Variants in DNAH17 observed in about 807,000 individuals in gnomAD.
DNAH17 encodes the protein dynein axonemal heavy chain 17.
In DNAH17, 376 loss-of-function variants were observed where a neutral mutation model predicts 485.6. The observed-to-expected ratio is 0.77, with a 90% CI of 0.71 to 0.84. DNAH17 has a LOEUF of 0.84. Ranked by LOEUF, DNAH17 falls within the 40% of genes least tolerant of loss-of-function variation. The pLI, the probability that DNAH17 is intolerant of heterozygous loss-of-function variation, is 0.00. For missense variants in DNAH17, 6,370 were observed against 5,839.3 expected (o/e 1.09, Z -2.96); for synonymous variants, 3,031 against 2,405.9 (o/e 1.26, Z -7.60).
Position 78,569,532 on chromosome 17 carries a change from G to T in DNAH17, c.1045-5C>A. ...CGGGCTCAGGAAGGTTCGTGTCTGG[G>T]CAAAAGAGAAGACAGACATCTAAAG... On this transcript the variant is annotated splice_region_variant and splice_polypyrimidine_tract_variant and intron_variant, in intron 7 of 80. Coordinates refer to ENST00000389840, the MANE Select transcript of DNAH17 (RefSeq NM_173628.4). 6.2e-7 allele frequency: 1 copy of T among 1,600,284 alleles called. No individual in the cohort carries two copies.
chr17:78,567,270 A>G, intron 9 of DNAH17, 104 bp from the exon 10 acceptor site: 1 of 1,275,938 alleles, frequency 7.8e-7, no homozygotes. Context: ...GGGGAGCAAA[A>G]TGTCCCCAGG....
intron 16 of DNAH17, among the ~76,000 whole-genome samples, chr17:78,545,585 C>A (rs2091738622): frequency 6.6e-6 from 1 of 152,132 alleles, no homozygotes; most frequent in Non-Finnish European, 1.5e-5. Flanking sequence ...GCTCTATTCT[C>A]ATGTTCTGAT....
At position 78,505,401 on chromosome 17, in the gene DNAH17, C is replaced by A; in HGVS notation, c.4848G>T (p.Leu1616=). Residue 1616 remains leucine (L), a synonymous_variant, in exon 31 of 81, where the codon CTG becomes CTT. Transcript: ENST00000389840. The stretch of plus-strand genomic sequence containing the variant: ...TGTCACTGGCATCGAGCCGGAACTT[C>A]AGTTTACACAGGCTATCGAAGAGTT... ...LSKLFDSLCK[L]KFRLDASDKP... is the part of the protein sequence containing the mutation. The A allele has an allele frequency of 6.2e-7, 1 of 1,614,006 alleles. No homozygotes were observed. The highest frequency in any genetic ancestry group is 8.5e-7 in the Non-Finnish European group (1 of 1,179,894).
In DNAH17 at chr17:78,459,933, G is replaced by T; in HGVS notation, c.9504C>A (p.Val3168=). Residue 3168 remains valine (V), a synonymous_variant, in exon 60 of 81, where the codon GTC becomes GTA. Transcript: ENST00000389840. ...TGCCCCCAGGTGCGGTCAGAATCATGACGGCGGCGGTGACGTTGACCACAG... is the reference window on the plus strand; with the variant it reads ...TGCCCCCAGGTGCGGTCAGAATCATTACGGCGGCGGTGACGTTGACCACAG... ...PDAVVNVTAA[V]MILTAPGGKI... 1 of 1,613,880 alleles carries T rather than the reference G, an allele frequency of 6.2e-7. No homozygotes were observed. Among genetic ancestry groups the T allele is most frequent in the Non-Finnish European group, 8.5e-7 (1 of 1,179,882 alleles).
intron 31 of DNAH17, among the ~76,000 whole-genome samples, chr17:78,504,893 GCTTTTTT>G (rs1312995334): frequency 7.8e-6 from 1 of 128,262 alleles, no homozygotes; most frequent in Non-Finnish European, 1.6e-5. Flanking sequence ...TATTAACAGG[GCTTTTTT>G]TTTTTTTTTT....
At chr17:78,510,163 CAG>C (rs1451814176) in intron 27 of DNAH17, among the ~76,000 whole-genome samples, 1 of 152,206 alleles carries the variant, frequency 6.6e-6, no homozygotes, top group South Asian at 2.1e-4. Flanking sequence ...GCCTGGGCAA[CAG>C]AGAGAGACTC....
At chr17:78,576,364 CT>C (rs1432446864) in intron 1 of DNAH17, among the ~76,000 whole-genome samples, 2 of 152,154 alleles carry the variant, frequency 1.3e-5, no homozygotes, top group African/African-American at 2.4e-5. Flanking sequence ...CTCCAAACAT[CT>C]CTGAGAGAGG....
chr17:78,528,721 T>C (rs1042110513), intron 22 of DNAH17, among the ~76,000 whole-genome samples: 31 of 152,074 alleles, frequency 2.0e-4, no homozygotes, highest in African/African-American at 7.0e-4. Context: ...CTCTCCATCC[T>C]CCCACCCTCG....
At chr17:78,429,019 G>C in intron 76 of DNAH17, 102 bp downstream of exon 76, 3 of 1,322,062 alleles carry the variant, frequency 2.3e-6, no homozygotes, top group East Asian at 2.3e-5. Flanking sequence ...TGGCTGCCTG[G>C]GTTCTTGCTC....
rs371396502 is a variant in DNAH17, at chr17:78,434,683, G to A, written c.12034-463C>T. ...GGATAGAGGATGGGGGATGGGATGG[G>A]GTCGCTTCTCAAACCCTTTCTTTTT... On this transcript the variant is annotated intron_variant, in intron 74 of 80. Coordinates refer to ENST00000389840, the MANE Select transcript of DNAH17 (RefSeq NM_173628.4). 2.6e-5 allele frequency among the ~76,000 whole-genome samples: 4 copies of A among 152,010 alleles called. No individual in the cohort carries two copies. In the South Asian group the frequency reaches 8.3e-4, roughly 32 times the overall value.
At chr17:78,478,558 C>A (rs2089199794) in intron 51 of DNAH17, among the ~76,000 whole-genome samples, 2 of 151,164 alleles carry the variant, frequency 1.3e-5, no homozygotes, top group Admixed American at 6.6e-5. Context: ...TGACAATCAC[C>A]ATCATCATGA....
chr17:78,466,807 A>G lies in DNAH17; in HGVS notation c.8788T>C (p.Cys2930Arg). The change falls in exon 56 of 81, where the codon TGT becomes CGT. Residue 2930 changes from cysteine to arginine, a missense_variant. By Grantham distance (180) the Cys-to-Arg change is radical. Coordinates refer to ENST00000389840, the MANE Select transcript of DNAH17 (RefSeq NM_173628.4). The part of the protein sequence containing the change: ...KVRRQLKVIL[C>R]FSPVGSVLRV... ...AGCACGGAGCCCACAGGGGAGAAAC[A>G]CAGGATCACCTGGGTGTGGGAGACA... 6.3e-7 allele frequency: 1 copy of G among 1,590,058 alleles called. No individual in the cohort carries two copies. Among genetic ancestry groups the G allele is most frequent in the South Asian group, 1.1e-5 (1 of 87,372 alleles).
intron 75 of DNAH17, among the ~76,000 whole-genome samples, chr17:78,431,600 C>T (rs140140616): frequency 7.9e-5 from 12 of 152,260 alleles, no homozygotes; most frequent in Admixed American, 2.0e-4. Context: ...AGAGCCCAGA[C>T]GGCTAAACAG....
In DNAH17 at chr17:78,454,450, G is replaced by A. The variant is rs910605138; in HGVS notation, c.10406+20C>T. The A allele has an allele frequency of 1.9e-6, 3 of 1,594,250 alleles. No individual in the cohort carries two copies. In the East Asian group the frequency reaches 6.8e-5, roughly 36 times the overall value. The stretch of plus-strand genomic sequence containing the variant: ...CCAAGCAGAGCCGGGCTTCGGCCCA[G>A]GTCCTGCGCCCGCACACACCTCTTC... On this transcript the variant is annotated intron_variant, in intron 64 of 80. Transcript: ENST00000389840.
At chr17:78,430,148 G>A (rs1469465148) in intron 75 of DNAH17, among the ~76,000 whole-genome samples, 1 of 152,172 alleles carries the variant, frequency 6.6e-6, no homozygotes, top group Non-Finnish European at 1.5e-5. Context: ...ATGAAGCCAG[G>A]CCCTTGTTCT....
At chr17:78,484,273 G>A (rs12942126) in intron 48 of DNAH17, among the ~76,000 whole-genome samples, 84,564 of 151,546 alleles carry the variant, frequency 0.56, 24,759 homozygotes, top group Admixed American at 0.68. Context: ...CTCTGCCTCT[G>A]GCTCTCACAT....
intron 41 of DNAH17, 50 bp from the exon 42 acceptor site, chr17:78,492,815 C>A (rs753362148): frequency 2.5e-6 from 4 of 1,581,264 alleles, no homozygotes; most frequent in Admixed American, 1.8e-5. Context: ...CCTGGCACAT[C>A]CTGCCCCACT....
At chr17:78,487,800 C>G (rs1203081040) in intron 44 of DNAH17, among the ~76,000 whole-genome samples, 6 of 152,162 alleles carry the variant, frequency 3.9e-5, no homozygotes, top group Admixed American at 2.6e-4. Flanking sequence ...GCTGCGATTA[C>G]AGACATGAGG....
intron 56 of DNAH17, among the ~76,000 whole-genome samples, chr17:78,465,284 C>A (rs2146549441): frequency 6.6e-6 from 1 of 151,756 alleles, no homozygotes; most frequent in Non-Finnish European, 1.5e-5. Context: ...TCGCTACAAC[C>A]TCCACCTCCC....
Sources: allele counts gnomAD v4.1 joint callset (sites outside exome capture counted in the v4.1 genomes callset), GRCh38; gene constraint gnomAD v4.1.1; transcripts MANE v1.5; gene names NCBI Gene and HGNC (gene_info 2026-07-23, HGNC 2026-07-21).